The following VOPP1 variants were observed in gnomAD, a reference collection of about 807,000 sequenced individuals.
The protein encoded by VOPP1 is VOPP1 WW domain binding protein.
A neutral mutation model predicts 23.5 loss-of-function variants in VOPP1; 8 were observed. That is an observed-to-expected ratio of 0.34 (90% CI 0.20 to 0.61). The LOEUF is 0.61. Among genes scored for constraint, VOPP1 ranks in the 20% least tolerant of loss-of-function variants. VOPP1 has a pLI of 0.78. For synonymous variants in VOPP1, 83 were observed against 97.3 expected (o/e 0.85, Z 0.86); for missense variants, 174 against 238.1 (o/e 0.73, Z 1.77).
intron 1 of VOPP1, among the ~76,000 whole-genome samples, chr7:55,568,006 C>T (rs1334525005): frequency 2.6e-5 from 4 of 151,998 alleles, no homozygotes; most frequent in Non-Finnish European, 5.9e-5. Context: ...CAGAAAAATA[C>T]TCAGTGATCT....
chr7:55,463,040 GTAT>G (rs1173761895), intron 4 of VOPP1, among the ~76,000 whole-genome samples: 9 of 151,978 alleles, frequency 5.9e-5, no homozygotes, highest in Admixed American at 4.6e-4. Context: ...TGATTTCTCT[GTAT>G]TATTATTTAT....
intron 1 of VOPP1, among the ~76,000 whole-genome samples, chr7:55,542,926 A>AT (rs1427991863): frequency 2.0e-5 from 3 of 150,646 alleles, no homozygotes; most frequent in African/African-American, 7.3e-5. Context: ...TTTTATTTTT[A>AT]TTTTTTTGGA....
intron 1 of VOPP1, among the ~76,000 whole-genome samples, chr7:55,542,113 A>AT (rs913313684): frequency 7.9e-5 from 12 of 152,176 alleles, no homozygotes; most frequent in South Asian, 2.1e-4. Context: ...TCCAGCATGT[A>AT]TTTTTTTTAA....
At chr7:55,459,338 T>C (rs544682542) in intron 4 of VOPP1, among the ~76,000 whole-genome samples, 1 of 152,300 alleles carries the variant, frequency 6.6e-6, no homozygotes, top group South Asian at 2.1e-4. Flanking sequence ...AGCTTTCTTT[T>C]TCGTTGTGTC....
chr7:55,537,525 C>T (rs1266907912), intron 1 of VOPP1: 4 of 1,535,996 alleles, frequency 2.6e-6, no homozygotes, highest in South Asian at 1.2e-5. Flanking sequence ...CCGTCCTTCG[C>T]ATTCTGTTAG....
intron 4 of VOPP1, among the ~76,000 whole-genome samples, chr7:55,437,558 A>T (rs943314804): frequency 1.3e-5 from 2 of 152,154 alleles, no homozygotes; most frequent in African/African-American, 4.8e-5. Flanking sequence ...TAGGATTTTC[A>T]TCTGATAATA....
chr7:55,521,372 A>G (rs1175694605), intron 1 of VOPP1, among the ~76,000 whole-genome samples: 1 of 152,180 alleles, frequency 6.6e-6, no homozygotes, highest in Non-Finnish European at 1.5e-5. Flanking sequence ...ACTGAGTGTC[A>G]GCATTTTATT....
At chr7:55,521,555 T>C (rs1425805625) in intron 1 of VOPP1, 5 of 994,754 alleles carry the variant, frequency 5.0e-6, no homozygotes, top group Non-Finnish European at 6.0e-6. Context: ...TATTTCAGAA[T>C]ATGCTAAAGC....
intron 4 of VOPP1, among the ~76,000 whole-genome samples, chr7:55,450,784 C>T (rs553282625): frequency 5.9e-5 from 9 of 152,212 alleles, no homozygotes; most frequent in South Asian, 2.1e-4. Flanking sequence ...GTAAGGGCTG[C>T]GCCCAGGCAG....
intron 4 of VOPP1, among the ~76,000 whole-genome samples, chr7:55,464,983 G>A (rs1401812464): frequency 1.3e-5 from 2 of 152,182 alleles, no homozygotes; most frequent in Admixed American, 6.5e-5. Context: ...AAGATCTCTT[G>A]CTTACCTTCT....
At chr7:55,528,065 A>G (rs1233562194) in intron 1 of VOPP1, among the ~76,000 whole-genome samples, 1 of 152,216 alleles carries the variant, frequency 6.6e-6, no homozygotes, top group Non-Finnish European at 1.5e-5. Context: ...TTGAGAACAA[A>G]TGTTATTTAA....
chr7:55,558,151 G>GTGTA (rs1458836859), intron 1 of VOPP1, among the ~76,000 whole-genome samples: 3 of 152,136 alleles, frequency 2.0e-5, no homozygotes, highest in Non-Finnish European at 4.4e-5. Flanking sequence ...CAGAGGTCCT[G>GTGTA]CAGTTAACAC....
At chr7:55,441,717 C>T (rs1235808879) in intron 4 of VOPP1, among the ~76,000 whole-genome samples, 1 of 152,112 alleles carries the variant, frequency 6.6e-6, no homozygotes, top group Non-Finnish European at 1.5e-5. Context: ...CGCACCCCCA[C>T]CCTCACCCCC....
intron 4 of VOPP1, among the ~76,000 whole-genome samples, chr7:55,441,773 C>T (rs1365992710): frequency 1.3e-5 from 2 of 152,150 alleles, no homozygotes; most frequent in African/African-American, 4.8e-5. Flanking sequence ...TTCCTTGGTT[C>T]TTCTGGGAAT....
chr7:55,529,059 T>C (rs150168793), intron 1 of VOPP1, among the ~76,000 whole-genome samples: 155 of 152,156 alleles, frequency 1.0e-3, no homozygotes, highest in African/African-American at 3.4e-3. Flanking sequence ...ATAGAGGCTG[T>C]TGTGGCAAGA....
At position 55,492,313 on chromosome 7, in the gene VOPP1, G is replaced by A. The variant is rs1793631443; in HGVS notation, c.297C>T (p.Ser99=). ...CGGGATTTGGGGGCTGCCTGGTGTA[G>A]GACACATTGAAGGCTGGCTCCTCGA... ...PLIEEPAFNV[S]YTRQPPNPGP... is the part of the protein sequence containing the mutation. Residue 99 remains serine, a synonymous_variant, in exon 4 of 5, where the codon TCC becomes TCT. Coordinates refer to ENST00000285279, the MANE Select transcript of VOPP1 (RefSeq NM_030796.5). The A allele has an allele frequency of 6.2e-7, 1 of 1,611,372 alleles. No homozygotes were observed. The highest frequency in any genetic ancestry group is 8.5e-7 in the Non-Finnish European group (1 of 1,178,902).
At chr7:55,559,595 C>T (rs1342796297) in intron 1 of VOPP1, among the ~76,000 whole-genome samples, 4 of 152,206 alleles carry the variant, frequency 2.6e-5, no homozygotes, top group African/African-American at 9.6e-5. Flanking sequence ...AAGCCTTCTC[C>T]CTATCTGCGA....
chr7:55,504,777 T>C (rs947521488), intron 2 of VOPP1, among the ~76,000 whole-genome samples: 3 of 152,260 alleles, frequency 2.0e-5, no homozygotes, highest in South Asian at 2.1e-4. Flanking sequence ...CAGGAAACAA[T>C]GCCTAGCTTG....
intron 4 of VOPP1, among the ~76,000 whole-genome samples, chr7:55,488,961 C>T (rs1192027945): frequency 6.6e-6 from 1 of 152,224 alleles, no homozygotes; most frequent in Admixed American, 6.5e-5. Flanking sequence ...CTCTGTGTGG[C>T]CCTCCTCTCA....
Sources: gnomAD v4.1 joint callset for allele counts (sites outside exome capture counted in the v4.1 genomes callset) on GRCh38, gnomAD v4.1.1 for gene constraint, MANE v1.5 for transcripts, NCBI Gene and HGNC (gene_info 2026-07-23, HGNC 2026-07-21) for gene names.